FANCC: variants seen among roughly 807,000 people sequenced by gnomAD.
FANCC encodes the protein FA complementation group C, also known as Fanconi anemia group C protein.
Under a neutral mutation model 71.3 loss-of-function variants are expected in FANCC, and 55 were observed. The observed-to-expected ratio is 0.77, with a 90% CI of 0.62 to 0.97. The LOEUF (loss-of-function observed/expected upper bound fraction) is 0.97. FANCC is among the 50% of genes least tolerant of loss of function. FANCC has a pLI of 0.00. For missense variants in FANCC, 678 were observed against 670.9 expected (o/e 1.01, Z -0.12); for synonymous variants, 275 against 244.9 (o/e 1.12, Z -1.15).
chr9:95,249,829 AT>A (rs1831219685), intron 1 of FANCC, among the ~76,000 whole-genome samples: 1 of 152,200 alleles, frequency 6.6e-6, no homozygotes, highest in African/African-American at 2.4e-5. Flanking sequence ...GTGTAAAAAA[AT>A]CTCTATGCAT....
chr9:95,217,009 C>T (rs1025998831), intron 4 of FANCC, among the ~76,000 whole-genome samples: 8 of 152,184 alleles, frequency 5.3e-5, no homozygotes, highest in African/African-American at 1.9e-4. Flanking sequence ...TTCCACCCAA[C>T]ATTATTTTGA....
chr9:95,101,690 C>A lies in FANCC; in HGVS notation c.*17G>T, dbSNP rs759413874. On this transcript the variant is annotated 3_prime_UTR_variant, in exon 15 of 15. Transcript: ENST00000289081. ...CCTGATCCCTCACGCCGGGCACCCA[C>A]ACGGCCTGCGTGCCTTCTAGACTTG... is the stretch of plus-strand genomic sequence containing the variant. 4.3e-6 allele frequency: 7 copies of A among 1,613,324 alleles called. No homozygotes were observed. In the Middle Eastern group the frequency reaches 5.2e-4, roughly 121 times the overall value.
At chr9:95,155,892 GTTT>G (rs68175473) in intron 6 of FANCC, among the ~76,000 whole-genome samples, 1 of 138,858 alleles carries the variant, frequency 7.2e-6, no homozygotes, top group Non-Finnish European at 1.5e-5. Context: ...CTTTTTTTGG[GTTT>G]TTTTTTTTTT....
rs767852720 is a variant in FANCC at position 95,107,050 on chromosome 9, C to T, written c.1533+16G>A. 1.9e-6 allele frequency: 3 copies of T among 1,613,908 alleles called. No homozygotes were observed. Among genetic ancestry groups the T allele is most frequent in the Admixed American group, 1.7e-5 (1 of 60,032 alleles). The stretch of plus-strand genomic sequence containing the variant: ...CAGAAATGAGTACTAGGATGCTGGA[C>T]CACAGGGAGACTTACCAGGGTGATG... On this transcript the variant is annotated intron_variant, in intron 14 of 14. Coordinates refer to ENST00000289081, the MANE Select transcript of FANCC (RefSeq NM_000136.3).
At chr9:95,252,365 A>C (rs1314593174) in intron 1 of FANCC, among the ~76,000 whole-genome samples, 1 of 151,798 alleles carries the variant, frequency 6.6e-6, no homozygotes, top group Non-Finnish European at 1.5e-5. Flanking sequence ...TTCATATGGC[A>C]CTAGATGCAG....
chr9:95,123,884 A>C (rs1002938746), intron 10 of FANCC: 5 of 530,544 alleles, frequency 9.4e-6, no homozygotes, highest in African/African-American at 7.7e-5. Flanking sequence ...TGAGTCCTTA[A>C]AGTCTGAAGA....
chr9:95,192,204 A>T (rs1293939610), intron 4 of FANCC, among the ~76,000 whole-genome samples: 1 of 152,198 alleles, frequency 6.6e-6, no homozygotes, highest in Non-Finnish European at 1.5e-5. Flanking sequence ...GACCAACGAC[A>T]GGAGGAGCAG....
intron 7 of FANCC, among the ~76,000 whole-genome samples, chr9:95,136,136 A>G (rs571702940): frequency 1.9e-4 from 29 of 152,302 alleles, no homozygotes; most frequent in African/African-American, 6.3e-4. Context: ...CACACCTATA[A>G]TCCCAACACT....
At chr9:95,258,930 C>T (rs1831841888) in intron 1 of FANCC, among the ~76,000 whole-genome samples, 1 of 152,130 alleles carries the variant, frequency 6.6e-6, no homozygotes, top group South Asian at 2.1e-4. Flanking sequence ...TGAGTGAACT[C>T]CCATTCACAA....
At position 95,101,385 on chromosome 9, in the gene FANCC, G is replaced by C; in HGVS notation, c.*322C>G. Reference sequence around the variant, plus strand: ...ATAATAGATGTGCAGCTTGACTTGGGTAAAAACTAGAAACCTGTTCTCCCA... The same window carrying C: ...ATAATAGATGTGCAGCTTGACTTGGCTAAAAACTAGAAACCTGTTCTCCCA... On this transcript the variant is annotated 3_prime_UTR_variant, in exon 15 of 15. Coordinates refer to ENST00000289081, the MANE Select transcript of FANCC (RefSeq NM_000136.3). 1 of 424,918 alleles carries C rather than the reference G, an allele frequency of 2.4e-6. No individual in the cohort carries two copies. Among genetic ancestry groups the C allele is most frequent in the Admixed American group, 3.7e-5 (1 of 27,138 alleles). 26.3% of individuals were successfully genotyped at this position (424,918 alleles called of 1,614,324 possible).
chr9:95,274,823 G>C (rs890971461), intron 1 of FANCC, among the ~76,000 whole-genome samples: 2 of 152,168 alleles, frequency 1.3e-5, no homozygotes, highest in Non-Finnish European at 2.9e-5. Context: ...TATGGGCACT[G>C]ACTTGCCATT....
At chr9:95,279,855 G>A (rs930473945) in intron 1 of FANCC, among the ~76,000 whole-genome samples, 1 of 150,398 alleles carries the variant, frequency 6.6e-6, no homozygotes, top group Non-Finnish European at 1.5e-5. Context: ...GGGTGAGGCA[G>A]GAGAATCGCT....
chr9:95,256,205 C>T (rs1831648147), intron 1 of FANCC, among the ~76,000 whole-genome samples: 1 of 152,136 alleles, frequency 6.6e-6, no homozygotes, highest in Admixed American at 6.5e-5. Flanking sequence ...CACAAAGATA[C>T]TCCTCGAGAA....
intron 4 of FANCC, 37 bp from the exon 5 acceptor site, chr9:95,172,184 A>C: frequency 7.7e-7 from 1 of 1,306,944 alleles, no homozygotes; most frequent in Non-Finnish European, 1.1e-6. Flanking sequence ...ACTTCTTTAA[A>C]AGTAAATGCA....
At chr9:95,314,477 C>A (rs1835614316) in intron 1 of FANCC, among the ~76,000 whole-genome samples, 1 of 151,988 alleles carries the variant, frequency 6.6e-6, no homozygotes, top group African/African-American at 2.4e-5. Context: ...TATGGTGAAA[C>A]CCCGTCTCTA....
rs1346146133 is a variant in FANCC at position 95,301,944 on chromosome 9, C to G, written c.-79+15582G>C. Among the ~76,000 whole-genome samples, 11 of 149,138 alleles carry G rather than the reference C, an allele frequency of 7.4e-5. No individual in the cohort carries two copies. The South Asian group carries it at 8.4e-4, about 11-fold the overall frequency. On this transcript the variant is annotated intron_variant, in intron 1 of 14. Transcript: ENST00000289081. ...AAAAAAAAAAAAAATTAGCCAGGCG[C>G]GGTGGCGGGCGCCTGTACTCCCAGC...
chr9:95,149,509 C>T (rs928315941), intron 7 of FANCC, among the ~76,000 whole-genome samples: 8 of 150,360 alleles, frequency 5.3e-5, no homozygotes, highest in African/African-American at 2.0e-4. Context: ...GATGGAGTCT[C>T]GCTCTGTTGC....
At chr9:95,273,213 G>A (rs1464648604) in intron 1 of FANCC, among the ~76,000 whole-genome samples, 1 of 152,230 alleles carries the variant, frequency 6.6e-6, no homozygotes, top group East Asian at 1.9e-4. Flanking sequence ...TACCGGTGAG[G>A]AAGACATTGA....
chr9:95,284,871 C>CA (rs1285841032), intron 1 of FANCC, among the ~76,000 whole-genome samples: 1 of 104,806 alleles, frequency 9.5e-6, no homozygotes, highest in Non-Finnish European at 1.8e-5. Context: ...CACACACACA[C>CA]ACACATACAC....
Sources: gnomAD v4.1 joint callset for allele counts (sites outside exome capture counted in the v4.1 genomes callset) on GRCh38, gnomAD v4.1.1 for gene constraint, MANE v1.5 for transcripts, NCBI Gene and HGNC (gene_info 2026-07-23, HGNC 2026-07-21) for gene names.